Variants in PARVB observed in about 807,000 individuals in gnomAD.
PARVB encodes beta-parvin.
PARVB carries 46 observed loss-of-function variants against 47.0 expected under a neutral mutation model. The ratio of observed to expected loss-of-function variants is 0.98; its 90% CI spans 0.77 to 1.25. The LOEUF is 1.25. Among genes scored for constraint, PARVB ranks in the 50% most tolerant of loss-of-function variants. The pLI is 0.00. For synonymous variants in PARVB, 196 were observed against 196.3 expected, an observed-to-expected ratio of 1.00 and a Z score of 0.01; for missense variants, 473 against 471.6, an observed-to-expected ratio of 1.00 and a Z score of -0.03.
At chr22:44,024,647 C>G (rs1332660645) in intron 1 of PARVB, among the ~76,000 whole-genome samples, 196 bp downstream of exon 1, 1 of 152,036 alleles carries the variant, frequency 6.6e-6, no homozygotes, top group African/African-American at 2.4e-5. Context: ...CGCGTGGGGC[C>G]GCGGTGGCCT....
intron 2 of PARVB, among the ~76,000 whole-genome samples, chr22:44,007,511 C>T (rs76236516): frequency 6.9e-4 from 105 of 152,292 alleles, no homozygotes; most frequent in African/African-American, 2.4e-3. Flanking sequence ...TTCCCTCCTG[C>T]GCTCCTCAGC....
chr22:44,044,898 C>T (rs2051087891), intron 1 of PARVB, among the ~76,000 whole-genome samples: 1 of 152,178 alleles, frequency 6.6e-6, no homozygotes, highest in African/African-American at 2.4e-5. Context: ...ATAAAAGTTT[C>T]ATGAAATGAT....
chr22:44,021,756 GACTC>G (rs1309898647), upstream of PARVB, among the ~76,000 whole-genome samples: 1,023 of 105,064 alleles, frequency 9.7e-3, 20 homozygotes, highest in African/African-American at 0.015. Flanking sequence ...GTAAAGTCTA[GACTC>G]ACACACACAC....
intron 4 of PARVB, among the ~76,000 whole-genome samples, chr22:44,122,046 A>G (rs2053059183): frequency 6.6e-6 from 1 of 152,226 alleles, no homozygotes; most frequent in African/African-American, 2.4e-5. Flanking sequence ...TTGAGTGGTC[A>G]TGTCATCCAT....
In PARVB at chr22:44,136,487, C is replaced by T. The variant is rs768393457; in HGVS notation, c.661C>T (p.His221Tyr). ...ACGGGAAGGCCTGCTGCATTCCAGC[C>T]ACATCTCGGAGGAGCTGACCACAAC... is the stretch of plus-strand genomic sequence containing the variant. ...RKREGLLHSS[H>Y]ISEELTTTTE... The change falls in exon 7 of 13, where the codon CAC becomes TAC. Residue 221 changes from histidine to tyrosine, a missense_variant. Physicochemically the swap from His to Tyr is moderately conservative, Grantham distance 83. Transcript: ENST00000338758. The T allele has an allele frequency of 4.3e-6, 7 of 1,614,136 alleles. No individual in the cohort carries two copies. In the East Asian group the frequency reaches 1.6e-4, roughly 36 times the overall value.
intron 1 of PARVB, 30 bp downstream of exon 1, chr22:44,024,481 CG>C: frequency 2.7e-6 from 3 of 1,110,668 alleles, no homozygotes; most frequent in African/African-American, 1.7e-5. Context: ...CGCCGACCCC[CG>C]GGGACCTGCC....
In PARVB at chr22:44,132,880, C is replaced by G. The variant is rs748520324; in HGVS notation, c.518-14C>G. On this transcript the variant is annotated splice_polypyrimidine_tract_variant and intron_variant, in intron 5 of 12. Coordinates refer to ENST00000338758, the MANE Select transcript of PARVB (RefSeq NM_013327.5). ...CCTGATCTAAAGCGTCTCCCTTCCTCCTTCCTCCTGCAGCAATTCACGGGA... is the reference window on the plus strand; with the variant it reads ...CCTGATCTAAAGCGTCTCCCTTCCTGCTTCCTCCTGCAGCAATTCACGGGA... The G allele has an allele frequency of 6.3e-7, 1 of 1,591,030 alleles. No homozygotes were observed. Among genetic ancestry groups the G allele is most frequent in the South Asian group, 1.1e-5 (1 of 90,604 alleles).
At position 44,168,886 on chromosome 22, in the gene PARVB, T is replaced by C; in HGVS notation, c.*208T>C. 2 of 543,882 alleles carry C rather than the reference T, an allele frequency of 3.7e-6. No homozygotes were observed. Among genetic ancestry groups the C allele is most frequent in the East Asian group, 6.1e-5 (2 of 32,846 alleles). The allele number at this position is 543,882 out of a possible 1,614,324, so 33.7% of individuals were successfully genotyped here. On this transcript the variant is annotated 3_prime_UTR_variant, in exon 13 of 13. Coordinates refer to ENST00000338758, the MANE Select transcript of PARVB (RefSeq NM_013327.5). ...AATCTCCTCTCCATGTAGTTCCCAG[T>C]GGGCAAGAGCCTTTGAAAATGCAGG...
intron 1 of PARVB, among the ~76,000 whole-genome samples, chr22:44,092,213 C>G (rs984266961): frequency 2.0e-5 from 3 of 152,176 alleles, no homozygotes; most frequent in African/African-American, 7.2e-5. Context: ...TGGGTTCAAG[C>G]AATTCTCCCA....
chr22:44,041,322 T>A (rs1165347062), intron 1 of PARVB, among the ~76,000 whole-genome samples: 1 of 151,914 alleles, frequency 6.6e-6, no homozygotes, highest in Non-Finnish European at 1.5e-5. Flanking sequence ...TGAAACTCCA[T>A]CTCTACAAAA....
At chr22:44,071,774 C>T (rs902114646) in intron 1 of PARVB, among the ~76,000 whole-genome samples, 3 of 152,348 alleles carry the variant, frequency 2.0e-5, no homozygotes, top group South Asian at 2.1e-4. Context: ...ATCCTAGCTC[C>T]GTATTTTACT....
chr22:44,156,315 T>C (rs2053931972), intron 10 of PARVB, among the ~76,000 whole-genome samples: 1 of 143,874 alleles, frequency 7.0e-6, no homozygotes, highest in Non-Finnish European at 1.5e-5. Context: ...GTTTCACTCC[T>C]GTTACCCAGG....
chr22:44,055,867 A>C (rs551809792), intron 1 of PARVB, among the ~76,000 whole-genome samples: 1 of 152,166 alleles, frequency 6.6e-6, no homozygotes, highest in African/African-American at 2.4e-5. Context: ...TCAGGTGTCA[A>C]ATGGATTGGC....
intron 2 of PARVB, among the ~76,000 whole-genome samples, chr22:44,006,193 C>T (rs1053128852): frequency 6.6e-6 from 1 of 152,242 alleles, no homozygotes; most frequent in Admixed American, 6.5e-5. Flanking sequence ...GATGCTCCTG[C>T]CTCAGCCTCA....
At chr22:44,061,215 G>T (rs1376840049) in intron 1 of PARVB, among the ~76,000 whole-genome samples, 2 of 152,144 alleles carry the variant, frequency 1.3e-5, no homozygotes, top group Admixed American at 1.3e-4. Context: ...GATCACCTGA[G>T]GTCAGGAGTT....
intron 1 of PARVB, among the ~76,000 whole-genome samples, chr22:44,053,590 C>T (rs1354136958): frequency 1.3e-5 from 2 of 152,122 alleles, no homozygotes; most frequent in Admixed American, 6.5e-5. Flanking sequence ...CACCAACTGG[C>T]GGATACCAGC....
At chr22:44,055,593 A>G (rs1569080139) in intron 1 of PARVB, among the ~76,000 whole-genome samples, 1 of 152,006 alleles carries the variant, frequency 6.6e-6, no homozygotes, top group Non-Finnish European at 1.5e-5. Flanking sequence ...TCGGCCTCCC[A>G]AAGTGCTGGG....
At chr22:44,044,690 T>C (rs2051083294) in intron 1 of PARVB, among the ~76,000 whole-genome samples, 1 of 151,744 alleles carries the variant, frequency 6.6e-6, no homozygotes, top group South Asian at 2.1e-4. Context: ...TTTACCATGT[T>C]GGCCAGGTGG....
At chr22:44,066,950 A>G (rs765912707) in intron 1 of PARVB, among the ~76,000 whole-genome samples, 5 of 151,808 alleles carry the variant, frequency 3.3e-5, no homozygotes, top group Admixed American at 3.3e-4. Flanking sequence ...CATAGGCTCA[A>G]GTGATCCTCC....
Sources: allele counts gnomAD v4.1 joint callset (sites outside exome capture counted in the v4.1 genomes callset), GRCh38; gene constraint gnomAD v4.1.1; transcripts MANE v1.5; gene names NCBI Gene and HGNC (gene_info 2026-07-23, HGNC 2026-07-21).